The following SLC6A20 variants were observed in gnomAD, a reference collection of about 807,000 sequenced individuals.
SLC6A20 encodes solute carrier family 6 member 20.
In SLC6A20, 73 loss-of-function variants were observed where a neutral mutation model predicts 64.3. That is an observed-to-expected ratio of 1.14 (90% confidence interval 0.94 to 1.38). The LOEUF is 1.38. Ranked by LOEUF, SLC6A20 falls within the 40% of genes most tolerant of loss-of-function variation. The pLI is 0.00. For synonymous variants in SLC6A20, 347 were observed against 329.6 expected (o/e 1.05, Z -0.57); for missense variants, 725 against 772.8 (o/e 0.94, Z 0.73).
At chr3:45,783,365 T>C (rs1700126405) in intron 1 of SLC6A20, among the ~76,000 whole-genome samples, 1 of 152,238 alleles carries the variant, frequency 6.6e-6, no homozygotes, top group Admixed American at 6.5e-5. Context: ...ATAACTATGC[T>C]TACATGAACA....
Position 45,796,351 on chromosome 3 carries a change from C to T in SLC6A20, c.69G>A (p.Val23=), listed in dbSNP as rs773705163. Reference sequence around the variant, plus strand: ...GGAATCGCCACACGTTGCCCAGGCCCACGGCGTACGAGATGCAGGCGAACA... The same window carrying T: ...GGAATCGCCACACGTTGCCCAGGCCTACGGCGTACGAGATGCAGGCGAACA... ...QFVFACISYA[V]GLGNVWRFPY... The change falls in exon 1 of 11, where the codon GTG becomes GTA. Residue 23 remains valine, a synonymous_variant. Coordinates refer to ENST00000358525, the MANE Select transcript of SLC6A20 (RefSeq NM_020208.4). 4.3e-6 allele frequency: 7 copies of T among 1,610,880 alleles called. No homozygotes were observed. Among genetic ancestry groups the T allele is most frequent in the Middle Eastern group, 1.6e-4 (1 of 6,078 alleles).
chr3:45,795,350 C>T (rs535208370), intron 1 of SLC6A20, among the ~76,000 whole-genome samples: 2 of 151,672 alleles, frequency 1.3e-5, no homozygotes, highest in Non-Finnish European at 2.9e-5. Context: ...TTGAAAATGC[C>T]GCCTTAAAGG....
chr3:45,772,517 C>A lies in SLC6A20; in HGVS notation c.681G>T (p.Met227Ile). 1.2e-6 allele frequency: 2 copies of A among 1,612,726 alleles called. No individual in the cohort carries two copies. The highest frequency in any genetic ancestry group is 1.7e-6 in the Non-Finnish European group (2 of 1,179,414). Residue 227 changes from methionine (M) to isoleucine (I), a missense_variant, in exon 5 of 11, where the codon ATG becomes ATT. Coordinates refer to ENST00000358525, the MANE Select transcript of SLC6A20 (RefSeq NM_020208.4). Reference protein sequence around the residue: ...LHGATNGLMYMFTPKIEQLAN... With the variant: ...LHGATNGLMYIFTPKIEQLAN... The stretch of plus-strand genomic sequence containing the variant: ...CTTCAGCCCGTACCTTGGGAGTGAA[C>A]ATGTACATGAGGCCATTGGTGGCTC...
intron 3 of SLC6A20, 28 bp from the exon 4 acceptor site, chr3:45,776,016 GGGAGGTGAAGGCTGA>G (rs772403614): frequency 6.2e-7 from 1 of 1,608,206 alleles, no homozygotes; most frequent in South Asian, 1.1e-5. Flanking sequence ...GTGTTATCCA[GGGAGGTGAAGGCTGA>G]GGACAAAGGC....
chr3:45,771,651 C>A, intron 5 of SLC6A20, 193 bp from the exon 6 acceptor site: 1 of 799,730 alleles, frequency 1.3e-6, no homozygotes, highest in Non-Finnish European at 1.9e-6. Flanking sequence ...ACACCTCAAG[C>A]TGCACACCTC....
intron 4 of SLC6A20, 115 bp from the exon 5 acceptor site, chr3:45,772,730 A>AG: frequency 7.4e-6 from 6 of 806,606 alleles, no homozygotes; most frequent in Non-Finnish European, 1.2e-5. Flanking sequence ...CCAGCTGCTG[A>AG]CAGCTGGAAA....
At chr3:45,760,504 G>C (rs1270061862) in intron 9 of SLC6A20, among the ~76,000 whole-genome samples, 3 of 148,458 alleles carry the variant, frequency 2.0e-5, no homozygotes, top group African/African-American at 7.4e-5. Context: ...ATTGAAACCA[G>C]AGCAGGTTTT....
Position 45,796,514 on chromosome 3 carries a change from C to G in SLC6A20, c.-95G>C. 1.5e-6 allele frequency: 2 copies of G among 1,301,362 alleles called. No individual in the cohort carries two copies. The highest frequency in any genetic ancestry group is 2.0e-6 in the Non-Finnish European group (2 of 1,003,198). The allele number at this position is 1,301,362 out of a possible 1,614,324, so 80.6% of individuals were successfully genotyped here. A position where few individuals can be genotyped will look rare whatever the true frequency, so the allele number is the denominator to read the frequency against. ...GGCGCGCCGTCCCACCCCGGCTCGGCTTGGGGGTGGCCCCGCGCCTCCGCC... is the reference window on the plus strand; with the variant it reads ...GGCGCGCCGTCCCACCCCGGCTCGGGTTGGGGGTGGCCCCGCGCCTCCGCC... On this transcript the variant is annotated 5_prime_UTR_variant, in exon 1 of 11. Transcript: ENST00000358525.
chr3:45,759,200 G>A (rs1483929826), intron 10 of SLC6A20, 73 bp from the exon 11 acceptor site: 2 of 1,470,244 alleles, frequency 1.4e-6, no homozygotes, highest in Non-Finnish European at 1.8e-6. Context: ...GCCCATCCGT[G>A]ATGGGGAGGT....
Position 45,796,333 on chromosome 3 carries a change from C to T in SLC6A20, c.87G>A (p.Trp29Ter), listed in dbSNP as rs770287527. Residue 29 changes from tryptophan to a stop codon, truncating the protein, a stop_gained, in exon 1 of 11, where the codon TGG (tryptophan) becomes TGA (stop). Coordinates refer to ENST00000358525, the MANE Select transcript of SLC6A20 (RefSeq NM_020208.4). LOFTEE classifies it high-confidence loss of function. Reference sequence around the variant, plus strand: ...ACATCTGGCACAGGTACGGGAATCGCCACACGTTGCCCAGGCCCACGGCGT... The same window carrying T: ...ACATCTGGCACAGGTACGGGAATCGTCACACGTTGCCCAGGCCCACGGCGT... ...ISYAVGLGNVWRFPYLCQMYG... is the reference protein window; with the variant it reads ...ISYAVGLGNV 6.8e-6 allele frequency: 11 copies of T among 1,612,708 alleles called. No homozygotes were observed. In the Admixed American group the frequency reaches 1.7e-4, roughly 24 times the overall value.
chr3:45,764,787 C>T (rs1427729365), intron 8 of SLC6A20, among the ~76,000 whole-genome samples: 1 of 151,450 alleles, frequency 6.6e-6, no homozygotes, highest in East Asian at 1.9e-4. Flanking sequence ...TGCATACTGC[C>T]TGGGAAGGGG....
At chr3:45,784,669 T>TA (rs562182176) in intron 1 of SLC6A20, among the ~76,000 whole-genome samples, 28 of 149,394 alleles carry the variant, frequency 1.9e-4, no homozygotes, top group South Asian at 6.4e-4. Flanking sequence ...TCAAAAAATG[T>TA]AAAAAAAAAA....
intron 1 of SLC6A20, among the ~76,000 whole-genome samples, chr3:45,787,515 C>T (rs548449451): frequency 2.0e-5 from 3 of 152,338 alleles, no homozygotes; most frequent in African/African-American, 7.2e-5. Context: ...TTGTTCTCTG[C>T]TCTGCTTAGA....
At chr3:45,788,376 C>CT (rs1700201817) in intron 1 of SLC6A20, among the ~76,000 whole-genome samples, 1 of 152,156 alleles carries the variant, frequency 6.6e-6, no homozygotes, top group Non-Finnish European at 1.5e-5. Flanking sequence ...AAGCGCTACT[C>CT]TATGTCTAAT....
chr3:45,766,556 A>G (rs201669134), intron 7 of SLC6A20, among the ~76,000 whole-genome samples: 1 of 152,244 alleles, frequency 6.6e-6, no homozygotes, highest in Non-Finnish European at 1.5e-5. Flanking sequence ...GGACTGAACC[A>G]TGTCCACCTG....
Position 45,758,698 on chromosome 3 carries a change from G to T in SLC6A20, c.*280C>A, listed in dbSNP as rs529382413. Reference sequence around the variant, plus strand: ...AGTTTGCAATGTGCCCTAATTCTAGGGCTTTCCTGGAATGAAGGATGCAGT... The same window carrying T: ...AGTTTGCAATGTGCCCTAATTCTAGTGCTTTCCTGGAATGAAGGATGCAGT... On this transcript the variant is annotated 3_prime_UTR_variant, in exon 11 of 11. Transcript: ENST00000358525. The T allele has an allele frequency of 3.2e-6, 4 of 1,231,408 alleles. No homozygotes were observed. The South Asian group carries it at 9.9e-5, about 30-fold the overall frequency. The allele number at this position is 1,231,408 out of a possible 1,614,324, so 76.3% of individuals were successfully genotyped here.
intron 9 of SLC6A20, among the ~76,000 whole-genome samples, chr3:45,761,331 C>T (rs566892285): frequency 8.6e-5 from 13 of 151,878 alleles, no homozygotes; most frequent in South Asian, 4.2e-4. Flanking sequence ...CTGAGCAAGC[C>T]GAAGCACTCC....
At position 45,758,500 on chromosome 3, in the gene SLC6A20, C is replaced by A; in HGVS notation, c.*478G>T. ...GAACACAGAAATTGCATATTCACTA[C>A]AACTCAAAAAAGAAGAGAATTAATT... On this transcript the variant is annotated 3_prime_UTR_variant, in exon 11 of 11. Transcript: ENST00000358525. 2.5e-6 allele frequency: 3 copies of A among 1,205,698 alleles called. No individual in the cohort carries two copies. The highest frequency in any genetic ancestry group is 3.4e-5 in the Admixed American group (1 of 29,742). The allele number at this position is 1,205,698 out of a possible 1,614,324, so 74.7% of individuals were successfully genotyped here. A position where few individuals can be genotyped will look rare whatever the true frequency, so the allele number is the denominator to read the frequency against.
chr3:45,776,200 C>G (rs904009415), intron 3 of SLC6A20, among the ~76,000 whole-genome samples: 2 of 152,074 alleles, frequency 1.3e-5, no homozygotes, highest in African/African-American at 4.8e-5. Context: ...GAGGAGGGGG[C>G]TCTACTCTCG....
Sources: gnomAD v4.1 joint callset for allele counts (sites outside exome capture counted in the v4.1 genomes callset) on GRCh38, gnomAD v4.1.1 for gene constraint, MANE v1.5 for transcripts, NCBI Gene and HGNC (gene_info 2026-07-23, HGNC 2026-07-21) for gene names.